PPIP5K2: variants seen among roughly 807,000 people sequenced by gnomAD.
PPIP5K2 encodes inositol hexakisphosphate and diphosphoinositol-pentakisphosphate kinase 2.
In PPIP5K2, 105 loss-of-function variants were observed where a neutral mutation model predicts 154.6. The observed-to-expected ratio is 0.68, with a 90% CI of 0.58 to 0.80. The LOEUF (loss-of-function observed/expected upper bound fraction) is 0.80. PPIP5K2 is among the 30% of genes least tolerant of loss of function. The pLI, the probability that PPIP5K2 is intolerant of heterozygous loss-of-function variation, is 0.00. For missense variants in PPIP5K2, 992 were observed against 1,504.6 expected, an observed-to-expected ratio of 0.66 and a Z score of 5.64; for synonymous variants, 480 against 490.3, an observed-to-expected ratio of 0.98 and a Z score of 0.28.
intron 14 of PPIP5K2, among the ~76,000 whole-genome samples, chr5:103,157,116 G>T (rs1795529105): frequency 1.3e-5 from 2 of 152,108 alleles, no homozygotes; most frequent in South Asian, 4.1e-4. Flanking sequence ...CTAACTTGCT[G>T]CAGGGGAAGG....
chr5:103,191,363 C>T (rs1801209180), intron 29 of PPIP5K2, among the ~76,000 whole-genome samples: 1 of 152,038 alleles, frequency 6.6e-6, no homozygotes, highest in South Asian at 2.1e-4. Context: ...CATTCATACA[C>T]ACTCATCTCC....
chr5:103,201,487 CA>C, intron 30 of PPIP5K2, 34 bp from the exon 31 acceptor site: 1 of 1,261,516 alleles, frequency 7.9e-7, no homozygotes, highest in Non-Finnish European at 1.1e-6. Context: ...TAAATTTAAG[CA>C]ATAGTTTTTT....
At chr5:103,124,234 C>G (rs1469992370) in intron 1 of PPIP5K2, among the ~76,000 whole-genome samples, 1 of 147,930 alleles carries the variant, frequency 6.8e-6, no homozygotes, top group Admixed American at 6.8e-5. Flanking sequence ...GAGCCGAGAT[C>G]GTGCCACTGC....
At chr5:103,192,166 G>A (rs917729842) in intron 29 of PPIP5K2, among the ~76,000 whole-genome samples, 67 of 152,050 alleles carry the variant, frequency 4.4e-4, no homozygotes, top group Non-Finnish European at 9.3e-4. Context: ...TAATAGAGAT[G>A]TATACTGGTG....
rs1803764774 is a variant in PPIP5K2, at chr5:103,210,782, G to A, written c.*9148G>A. On this transcript the variant is annotated 3_prime_UTR_variant, in exon 31 of 31. Coordinates refer to ENST00000358359, the MANE Select transcript of PPIP5K2 (RefSeq NM_001276277.3). ...ATAATACTTATAATAACAATTTTGA[G>A]AATTATCAGCATGAGACAATTTATT... The A allele has an allele frequency of 6.6e-6, 1 of 152,040 alleles. No homozygotes were observed. Among genetic ancestry groups the A allele is most frequent in the African/African-American group, 2.4e-5 (1 of 41,418 alleles). The allele number at this position is 152,040 out of a possible 1,614,324, so 9.4% of individuals were successfully genotyped here. A position where few individuals can be genotyped will look rare whatever the true frequency, so the allele number is the denominator to read the frequency against.
chr5:103,129,416 A>G lies in PPIP5K2; in HGVS notation c.-174A>G. On this transcript the variant is annotated 5_prime_UTR_variant, in exon 2 of 31. Coordinates refer to ENST00000358359, the MANE Select transcript of PPIP5K2 (RefSeq NM_001276277.3). Reference sequence around the variant, plus strand: ...AATGAAGCAATGATATCTAAGAACAAAAGAGTATTTGCCAACAGTCATCAT... The same window carrying G: ...AATGAAGCAATGATATCTAAGAACAGAAGAGTATTTGCCAACAGTCATCAT... 4.7e-6 allele frequency: 2 copies of G among 424,234 alleles called. No homozygotes were observed. The highest frequency in any genetic ancestry group is 8.2e-6 in the Non-Finnish European group (2 of 244,080). 26.3% of individuals were successfully genotyped at this position (424,234 alleles called of 1,614,324 possible).
At chr5:103,151,184 T>A (rs1455437075) in intron 8 of PPIP5K2, 69 bp from the exon 9 acceptor site, 4 of 1,339,390 alleles carry the variant, frequency 3.0e-6, no homozygotes, top group South Asian at 2.9e-5. Context: ...TATGTTCTGA[T>A]AGGACTAGAA....
At chr5:103,180,716 G>A (rs1799387694) in intron 24 of PPIP5K2, among the ~76,000 whole-genome samples, 1 of 151,892 alleles carries the variant, frequency 6.6e-6, no homozygotes, top group African/African-American at 2.4e-5. Context: ...CAGGTATGGT[G>A]GCGGGCACCT....
At chr5:103,134,097 T>C (rs1328918645) in intron 3 of PPIP5K2, among the ~76,000 whole-genome samples, 1 of 152,128 alleles carries the variant, frequency 6.6e-6, no homozygotes, top group Non-Finnish European at 1.5e-5. Context: ...TTAGGACAAG[T>C]TCTTGAATTA....
chr5:103,122,079 A>G (rs367798205), intron 1 of PPIP5K2, among the ~76,000 whole-genome samples: 35 of 152,300 alleles, frequency 2.3e-4, no homozygotes, highest in African/African-American at 8.4e-4. Flanking sequence ...TGGTACAGCA[A>G]GTGTATGTGT....
Position 103,186,538 on chromosome 5 carries a change from G to A in PPIP5K2, c.3289+99G>A, listed in dbSNP as rs1187447417. On this transcript the variant is annotated intron_variant, in intron 27 of 30. Coordinates refer to ENST00000358359, the MANE Select transcript of PPIP5K2 (RefSeq NM_001276277.3). The stretch of plus-strand genomic sequence containing the variant: ...CAAATCTAAGGCCACTGACTGATTC[G>A]AGTGAAATCCTGTCATCTTTTGCCT... 9.9e-6 allele frequency: 15 copies of A among 1,514,808 alleles called. No individual in the cohort carries two copies. In the East Asian group the frequency reaches 2.1e-4, roughly 21 times the overall value. 93.8% of individuals were successfully genotyped at this position (1,514,808 alleles called of 1,614,324 possible).
Position 103,154,739 on chromosome 5 carries a change from G to T in PPIP5K2, c.1287G>T (p.Gln429His). The stretch of plus-strand genomic sequence containing the variant: ...AATTAAAACTCAAAAAACCAAAACA[G>T]TTACAGGCAAGTGTATTTGCTTTCT... The part of the protein sequence containing the change: ...SGKLKLKKPK[Q>H]LQEVLDIARQ... Residue 429 changes from glutamine (Q) to histidine (H), a missense_variant, in exon 12 of 31, where the codon CAG (glutamine) becomes CAT (histidine). Physicochemically the swap from Gln to His is conservative, Grantham distance 24. Coordinates refer to ENST00000358359, the MANE Select transcript of PPIP5K2 (RefSeq NM_001276277.3). The T allele has an allele frequency of 6.3e-7, 1 of 1,586,790 alleles. No individual in the cohort carries two copies. The highest frequency in any genetic ancestry group is 8.6e-7 in the Non-Finnish European group (1 of 1,165,354).
chr5:103,164,093 A>G (rs1796765803), intron 17 of PPIP5K2, among the ~76,000 whole-genome samples: 1 of 151,968 alleles, frequency 6.6e-6, no homozygotes, highest in South Asian at 2.1e-4. Context: ...GAAAGTTTCT[A>G]ATTATGGAAT....
Position 103,160,875 on chromosome 5 carries a change from A to T in PPIP5K2, c.1920+1547A>T, listed in dbSNP as rs1796108825. ...CTCTTGGGTATATTGTAGGAGTGGAATTATTGTGACCATGGTATACTTATT... is the reference window on the plus strand; with the variant it reads ...CTCTTGGGTATATTGTAGGAGTGGATTTATTGTGACCATGGTATACTTATT... On this transcript the variant is annotated intron_variant, in intron 17 of 30. Coordinates refer to ENST00000358359, the MANE Select transcript of PPIP5K2 (RefSeq NM_001276277.3). 4.6e-5 allele frequency among the ~76,000 whole-genome samples: 7 copies of T among 151,832 alleles called. No individual in the cohort carries two copies. The South Asian group carries it at 1.5e-3, about 32-fold the overall frequency.
At chr5:103,152,842 CT>C in intron 10 of PPIP5K2, 93 bp downstream of exon 10, 1 of 772,662 alleles carries the variant, frequency 1.3e-6, no homozygotes, top group Non-Finnish European at 2.1e-6. Context: ...TGATTAGACA[CT>C]TTAGTGTGTA....
intron 3 of PPIP5K2, chr5:103,136,154 G>A (rs1791465794): frequency 6.6e-6 from 1 of 152,122 alleles, no homozygotes; most frequent in African/African-American, 2.4e-5. Flanking sequence ...TGTAATTTTA[G>A]TAGAGATGGG....
At chr5:103,187,153 T>C (rs902561880) in intron 27 of PPIP5K2, among the ~76,000 whole-genome samples, 161 bp from the exon 28 acceptor site, 3 of 152,170 alleles carry the variant, frequency 2.0e-5, no homozygotes, top group Non-Finnish European at 4.4e-5. Context: ...ATCAAGCTAG[T>C]TAACTTCTTT....
At chr5:103,159,795 T>A (rs1554215026) in intron 17 of PPIP5K2, among the ~76,000 whole-genome samples, 1 of 152,146 alleles carries the variant, frequency 6.6e-6, no homozygotes, top group African/African-American at 2.4e-5. Flanking sequence ...ACATTTAAAA[T>A]CTACTCTCAG....
chr5:103,136,672 ATAAAG>A, intron 3 of PPIP5K2, 55 bp from the exon 4 acceptor site: 1 of 1,356,812 alleles, frequency 7.4e-7, no homozygotes, highest in South Asian at 1.2e-5. Flanking sequence ...ATTCAAGTTA[ATAAAG>A]TATAGATGCT....
Sources: allele counts gnomAD v4.1 joint callset (sites outside exome capture counted in the v4.1 genomes callset), GRCh38; gene constraint gnomAD v4.1.1; transcripts MANE v1.5; gene names NCBI Gene and HGNC (gene_info 2026-07-23, HGNC 2026-07-21).